HDAC8: variants seen among roughly 807,000 people sequenced by gnomAD.
HDAC8 encodes the protein histone deacetylase 8.
HDAC8 carries 1 observed loss-of-function variant against 32.2 expected under a neutral mutation model. The ratio of observed to expected loss-of-function variants is 0.03; its 90% CI spans 0.01 to 0.15. The LOEUF is 0.15. Among genes scored for constraint, HDAC8 ranks in the 10% least tolerant of loss-of-function variants. HDAC8 has a pLI of 1.00. For missense variants in HDAC8, 117 were observed against 300.0 expected (o/e 0.39, Z 4.51); for synonymous variants, 108 against 113.9 (o/e 0.95, Z 0.33).
Position 72,329,645 on chromosome X carries a change from A to C in HDAC8, c.*409T>G. On this transcript the variant is annotated 3_prime_UTR_variant, in exon 11 of 11. Transcript: ENST00000373573. ...CCAGGGCTCCACCTGGATGGTCCTG[A>C]GGCCCAAACCCTGCCTGTCAGCTGC... is the stretch of plus-strand genomic sequence containing the variant. 8.5e-7 allele frequency: 1 copy of C among 1,178,765 alleles called. No individual in the cohort carries two copies. The highest frequency in any genetic ancestry group is 1.1e-6 in the Non-Finnish European group (1 of 878,179).
intron 9 of HDAC8, among the ~76,000 whole-genome samples, chrX:72,392,111 C>T (rs1768878689): frequency 8.9e-6 from 1 of 112,173 alleles, no homozygotes; most frequent in Admixed American, 9.5e-5. Flanking sequence ...GCTGCTGACT[C>T]TGAATGTAGT....
chrX:72,355,430 T>TC lies in HDAC8; in HGVS notation c.1006-3593dup, dbSNP rs201897570. 2.2e-3 allele frequency among the ~76,000 whole-genome samples: 243 copies of TC among 111,323 alleles called. 6 individuals carry two copies. The Admixed American group carries it at 0.022, about 10-fold the overall frequency. On this transcript the variant is annotated intron_variant, in intron 9 of 10. Coordinates refer to ENST00000373573, the MANE Select transcript of HDAC8 (RefSeq NM_018486.3). ...TAACCTCTCTCCACCCCTTCCCCTT[T>TC]CCCCCTCAGCACTTCTTTTGCTTTC... is the stretch of plus-strand genomic sequence containing the variant.
intron 4 of HDAC8, among the ~76,000 whole-genome samples, chrX:72,527,822 C>A (rs1313171758): frequency 1.0e-5 from 1 of 97,370 alleles, no homozygotes; most frequent in African/African-American, 3.9e-5. Context: ...GTCACCCAGG[C>A]TGGAGTGCAA....
chrX:72,414,158 A>G (rs1357077443), intron 9 of HDAC8, among the ~76,000 whole-genome samples: 4 of 112,291 alleles, frequency 3.6e-5, no homozygotes, highest in Non-Finnish European at 5.6e-5. Flanking sequence ...AACCCCTTAC[A>G]TTTGTTCAGT....
chrX:72,399,376 A>G (rs964306121), intron 9 of HDAC8, among the ~76,000 whole-genome samples: 1 of 111,953 alleles, frequency 8.9e-6, no homozygotes, highest in South Asian at 3.8e-4. Flanking sequence ...ACTGTTATAA[A>G]TACTATAGCT....
chrX:72,535,976 G>A (rs1297076955), intron 4 of HDAC8, among the ~76,000 whole-genome samples: 1 of 111,915 alleles, frequency 8.9e-6, no homozygotes, highest in Admixed American at 9.5e-5. Flanking sequence ...TCTAGGGAAG[G>A]AAACATGAGC....
At chrX:72,371,245 T>A in intron 9 of HDAC8, among the ~76,000 whole-genome samples, 1 of 111,840 alleles carries the variant, frequency 8.9e-6, no homozygotes, top group Middle Eastern at 4.6e-3. Flanking sequence ...TGAAGCTGGG[T>A]GATGGGTACA....
chrX:72,547,182 T>G (rs2086554029), intron 4 of HDAC8, among the ~76,000 whole-genome samples: 1 of 111,593 alleles, frequency 9.0e-6, no homozygotes, highest in African/African-American at 3.3e-5. Flanking sequence ...ATGACCATCT[T>G]AATTGTCAAA....
chrX:72,367,397 G>T (rs1314990451), intron 9 of HDAC8, among the ~76,000 whole-genome samples: 1 of 112,044 alleles, frequency 8.9e-6, no homozygotes, highest in African/African-American at 3.2e-5. Flanking sequence ...ATTCTTCAAG[G>T]CTCTGTCGCC....
chrX:72,522,407 C>A (rs1212006168), intron 4 of HDAC8, among the ~76,000 whole-genome samples: 1 of 112,292 alleles, frequency 8.9e-6, no homozygotes, highest in African/African-American at 3.2e-5. Flanking sequence ...CTACAAAATG[C>A]CTTGCTTTCT....
At chrX:72,417,503 A>C (rs1409719676) in intron 9 of HDAC8, among the ~76,000 whole-genome samples, 1 of 111,854 alleles carries the variant, frequency 8.9e-6, no homozygotes, top group Non-Finnish European at 1.9e-5. Flanking sequence ...CTAGGAATAC[A>C]GCTAACCAGG....
At chrX:72,543,369 G>A (rs986185693) in intron 4 of HDAC8, among the ~76,000 whole-genome samples, 54 of 111,646 alleles carry the variant, frequency 4.8e-4, no homozygotes, top group African/African-American at 1.6e-3. Context: ...CCGCCAGTAC[G>A]TGGTTAATGC....
chrX:72,441,316 C>T (rs1161353518), intron 9 of HDAC8, among the ~76,000 whole-genome samples: 1 of 111,922 alleles, frequency 8.9e-6, no homozygotes, highest in Admixed American at 9.4e-5. Flanking sequence ...CCTCACACGG[C>T]CGGGTACTCC....
At chrX:72,417,858 T>C (rs1449850070) in intron 9 of HDAC8, among the ~76,000 whole-genome samples, 1 of 111,669 alleles carries the variant, frequency 9.0e-6, no homozygotes, top group African/African-American at 3.2e-5. Flanking sequence ...ATGGTACTGG[T>C]ATAAAAACAG....
At chrX:72,351,206 C>T (rs1056625135) in intron 10 of HDAC8, 4 of 190,439 alleles carry the variant, frequency 2.1e-5, no homozygotes, top group Non-Finnish European at 3.8e-5. Context: ...CTCAAGGGAT[C>T]CTCCTGCCTC....
chrX:72,371,205 A>G (rs782012810), intron 9 of HDAC8, among the ~76,000 whole-genome samples: 1 of 112,048 alleles, frequency 8.9e-6, no homozygotes, highest in Non-Finnish European at 1.9e-5. Context: ...GGGGGATAGA[A>G]TAAATAGGAA....
chrX:72,376,295 T>G (rs958667886), intron 9 of HDAC8, among the ~76,000 whole-genome samples: 1 of 112,447 alleles, frequency 8.9e-6, no homozygotes, highest in African/African-American at 3.2e-5. Flanking sequence ...ATTTTTTTCT[T>G]AAGTCTACCT....
In HDAC8 at chrX:72,407,376, G is replaced by A. The variant is rs186447463; in HGVS notation, c.1005+54628C>T. Among the ~76,000 whole-genome samples the A allele has an allele frequency of 1.5e-4, 17 of 112,176 alleles. No individual in the cohort carries two copies. The East Asian group carries it at 4.2e-3, about 28-fold the overall frequency. ...CTTGGTGGAACCTGAGATTTAATCT[G>A]TGAGGCAGGAAGCCTATACTAGAAG... On this transcript the variant is annotated intron_variant, in intron 9 of 10. Coordinates refer to ENST00000373573, the MANE Select transcript of HDAC8 (RefSeq NM_018486.3).
chrX:72,339,580 C>T (rs1555944324), intron 10 of HDAC8, among the ~76,000 whole-genome samples: 1 of 111,883 alleles, frequency 8.9e-6, no homozygotes, highest in African/African-American at 3.2e-5. Context: ...GGTCAGGATA[C>T]AGGATGAAGT....
Sources: allele counts gnomAD v4.1 joint callset (sites outside exome capture counted in the v4.1 genomes callset), GRCh38; gene constraint gnomAD v4.1.1; transcripts MANE v1.5; gene names NCBI Gene and HGNC (gene_info 2026-07-23, HGNC 2026-07-21).